MTMR10: variants seen among roughly 807,000 people sequenced by gnomAD.
The protein encoded by MTMR10 is myotubularin-related protein 10.
MTMR10 carries 56 observed loss-of-function variants against 88.1 expected under a neutral mutation model. The observed-to-expected ratio is 0.64, with a 90% CI of 0.51 to 0.79. The LOEUF is 0.79. MTMR10 is among the 30% of genes least tolerant of loss of function. MTMR10 has a pLI of 0.00. For missense variants in MTMR10, 883 were observed against 924.7 expected, an observed-to-expected ratio of 0.95 and a Z score of 0.58; for synonymous variants, 380 against 340.9, an observed-to-expected ratio of 1.11 and a Z score of -1.26.
At chr15:30,919,689 G>A in the MTMR10 span, among the ~76,000 whole-genome samples, 2 of 137,800 alleles carry the variant, frequency 1.5e-5, no homozygotes, top group Non-Finnish European at 1.5e-5. Flanking sequence ...ACTCTGTCTC[G>A]GGGAAAAAAA....
rs370146092 is a variant in MTMR10 at position 30,943,113 on chromosome 15, C to A, written c.1549-41G>T. The A allele has an allele frequency of 7.9e-6, 12 of 1,517,524 alleles. No individual in the cohort carries two copies. In the African/African-American group the frequency reaches 1.7e-4, roughly 21 times the overall value. The allele number at this position is 1,517,524 out of a possible 1,614,324, so 94.0% of individuals were successfully genotyped here. A position where few individuals can be genotyped will look rare whatever the true frequency, so the allele number is the denominator to read the frequency against. On this transcript the variant is annotated intron_variant, in intron 14 of 15. Coordinates refer to ENST00000435680, the MANE Select transcript of MTMR10 (RefSeq NM_017762.3). ...ATAAATATTTGCAAAACTAAAGATT[C>A]TCTCATGAATGCCTTTTTTCAGATG...
the MTMR10 span, among the ~76,000 whole-genome samples, chr15:30,933,891 G>C: frequency 6.6e-6 from 1 of 151,988 alleles, no homozygotes; most frequent in Non-Finnish European, 1.5e-5. Context: ...CTGTTGAGTA[G>C]CCCGAACTAT....
chr15:30,944,728 T>C (rs2063143993), intron 14 of MTMR10, among the ~76,000 whole-genome samples: 1 of 152,050 alleles, frequency 6.6e-6, no homozygotes, highest in Non-Finnish European at 1.5e-5. Context: ...AATGTCCTCT[T>C]GGCCAAGCAC....
intron 2 of MTMR10, among the ~76,000 whole-genome samples, chr15:30,983,061 A>C (rs2030691283): frequency 1.3e-5 from 2 of 152,258 alleles, no homozygotes; most frequent in African/African-American, 4.8e-5. Context: ...TGAAGTTTTC[A>C]GGGAGACTAT....
At chr15:30,925,043 A>G in the MTMR10 span, 4 of 1,403,806 alleles carry the variant, frequency 2.8e-6, no homozygotes, top group Non-Finnish European at 3.9e-6. Flanking sequence ...AATAATAAAC[A>G]GTGGGCTTTT....
intron 9 of MTMR10, among the ~76,000 whole-genome samples, chr15:30,957,759 A>T (rs76158660): frequency 0.018 from 2,679 of 152,270 alleles, 42 homozygotes; most frequent in Middle Eastern, 0.031. Flanking sequence ...GTGTTCCCAG[A>T]TGAGTGCAAA....
In MTMR10 at chr15:30,941,799, G is replaced by A. The variant is rs772660299; in HGVS notation, c.2005C>T (p.Gln669Ter). ...LCYFRWVPEA[Q>*]ISLGGSITAF... ...GTGATGGAGCCACCCAGGCTGATCTGGGCCTCGGGAACCCAGCGGAAGTAG... is the reference window on the plus strand; with the variant it reads ...GTGATGGAGCCACCCAGGCTGATCTAGGCCTCGGGAACCCAGCGGAAGTAG... The change falls in exon 16 of 16, where the codon CAG becomes TAG. Residue 669 changes from glutamine to a stop codon, truncating the protein, a stop_gained. Transcript: ENST00000435680. LOFTEE classifies it high-confidence loss of function. The A allele has an allele frequency of 1.2e-6, 2 of 1,614,022 alleles. No homozygotes were observed. The highest frequency in any genetic ancestry group is 2.2e-5 in the South Asian group (2 of 91,078).
the MTMR10 span, chr15:30,925,115 GC>G: frequency 6.2e-7 from 1 of 1,605,446 alleles, no homozygotes; most frequent in South Asian, 1.1e-5. Context: ...GTGTGACCAT[GC>G]TCTCTGCCAG....
intron 6 of MTMR10, among the ~76,000 whole-genome samples, chr15:30,963,668 G>GACAA (rs1234239034): frequency 6.7e-6 from 1 of 148,530 alleles, no homozygotes; most frequent in African/African-American, 2.4e-5. Context: ...TAGATAGACA[G>GACAA]ACAGATAGAT....
At chr15:30,951,895 G>T in intron 12 of MTMR10, 73 bp downstream of exon 12, 2 of 1,257,214 alleles carry the variant, frequency 1.6e-6, no homozygotes, top group South Asian at 1.2e-5. Context: ...TGATTTACTT[G>T]AATGGGGACA....
rs148348077 is a variant in MTMR10 at position 30,988,071 on chromosome 15, C to T, written c.121+2706G>A. Among the ~76,000 whole-genome samples, 707 of 152,276 alleles carry T rather than the reference C, an allele frequency of 4.6e-3. 4 individuals carry two copies. Among genetic ancestry groups the T allele is most frequent in the African/African-American group, 0.017 (686 of 41,554 alleles). On this transcript the variant is annotated intron_variant, in intron 2 of 15. Transcript: ENST00000435680. ...TAGCCTAGTCTAGGTCTTTAGATCA[C>T]CAATAGTTCGGTAACTTTCCACTTG...
chr15:30,959,579 A>G (rs768447896), intron 7 of MTMR10, among the ~76,000 whole-genome samples: 1 of 152,172 alleles, frequency 6.6e-6, no homozygotes. Context: ...ATCAGACAAT[A>G]ATTACTAGTG....
intron 4 of MTMR10, 38 bp from the exon 5 acceptor site, chr15:30,974,494 AAC>A (rs765659600): frequency 6.8e-7 from 1 of 1,468,192 alleles, no homozygotes; most frequent in South Asian, 1.5e-5. Flanking sequence ...TAAAATGCGT[AAC>A]AGTTATTTGT....
At chr15:30,984,040 T>C (rs1791552069) in intron 2 of MTMR10, among the ~76,000 whole-genome samples, 1 of 152,014 alleles carries the variant, frequency 6.6e-6, no homozygotes, top group Non-Finnish European at 1.5e-5. Flanking sequence ...AGTAACAAGG[T>C]CCTAAATAAG....
the MTMR10 span, chr15:30,930,406 C>T: frequency 5.1e-6 from 5 of 972,172 alleles, no homozygotes; most frequent in South Asian, 8.2e-5. Flanking sequence ...AGCAGCAGAA[C>T]AGCGCATGGT....
the MTMR10 span, chr15:30,928,460 G>A: frequency 6.4e-7 from 1 of 1,552,692 alleles, no homozygotes; most frequent in Non-Finnish European, 8.7e-7. Context: ...AATTGAGTGT[G>A]CAGTAGGTTA....
chr15:30,978,911 A>G (rs1246423683), intron 2 of MTMR10, among the ~76,000 whole-genome samples: 2 of 152,052 alleles, frequency 1.3e-5, no homozygotes, highest in Non-Finnish European at 2.9e-5. Context: ...ATATATATAT[A>G]TAGACGCACT....
chr15:30,931,754 A>G, the MTMR10 span, among the ~76,000 whole-genome samples: 1 of 152,100 alleles, frequency 6.6e-6, no homozygotes, highest in East Asian at 1.9e-4. Flanking sequence ...CTGTTTCTAT[A>G]TACTCTTCGG....
intron 14 of MTMR10, among the ~76,000 whole-genome samples, chr15:30,944,664 T>A (rs1457305929): frequency 6.6e-6 from 1 of 152,076 alleles, no homozygotes; most frequent in African/African-American, 2.4e-5. Context: ...AGCTGAAATC[T>A]AGTAAAACAT....
Sources: gnomAD v4.1 joint callset for allele counts (sites outside exome capture counted in the v4.1 genomes callset) on GRCh38, gnomAD v4.1.1 for gene constraint, MANE v1.5 for transcripts, NCBI Gene and HGNC (gene_info 2026-07-23, HGNC 2026-07-21) for gene names.